SLC49A3: variants seen among roughly 807,000 people sequenced by gnomAD.
SLC49A3 encodes solute carrier family 49 member 3.
A neutral mutation model predicts 43.8 loss-of-function variants in SLC49A3; 50 were observed. The observed-to-expected ratio is 1.14, with a 90% CI of 0.91 to 1.45. The LOEUF (loss-of-function observed/expected upper bound fraction) is 1.45. Ranked by LOEUF, SLC49A3 falls within the 40% of genes most tolerant of loss-of-function variation. The pLI is 0.00. For missense variants in SLC49A3, 906 were observed against 774.1 expected (o/e 1.17, Z -2.02); for synonymous variants, 413 against 352.0 (o/e 1.17, Z -1.94).
In SLC49A3 at chr4:683,417, AACTGGACCTGGCTTCACGGG is replaced by A. The variant is rs573066841; in HGVS notation, c.994-70_994-51del. 1.4e-4 allele frequency: 226 copies of A among 1,581,172 alleles called. No individual in the cohort carries two copies. The East Asian group carries it at 4.8e-3, about 34-fold the overall frequency. ...GACAGGTGGAGGGGGTGGCAGTCAG[AACTGGACCTGGCTTCACGGG>A]ACATGGGACACGGGGCAGGAGAACC... is the stretch of plus-strand genomic sequence containing the variant. On this transcript the variant is annotated intron_variant, in intron 7 of 9. Transcript: ENST00000322224.
chr4:684,720 A>C lies in SLC49A3; in HGVS notation c.722T>G (p.Leu241Arg). The C allele has an allele frequency of 6.2e-7, 1 of 1,610,064 alleles. No individual in the cohort carries two copies. Among genetic ancestry groups the C allele is most frequent in the Non-Finnish European group, 8.5e-7 (1 of 1,178,894 alleles). The change falls in exon 5 of 10, where the codon CTG becomes CGG. Residue 241 changes from leucine (L) to arginine (R), a missense_variant and splice_region_variant. By Grantham distance (102) the Leu-to-Arg change is moderately radical. Transcript: ENST00000322224. ...TSEKFLDGLK[L>R]LMWNKAYVIL... ...CCCCGGGGATCCCACGGCACTGACC[A>C]GCTTGAGCCCATCCAGGAACTTCTC...
upstream of SLC49A3, among the ~76,000 whole-genome samples, chr4:690,952 A>G (rs1057004102): frequency 1.3e-5 from 2 of 152,274 alleles, no homozygotes; most frequent in Non-Finnish European, 2.9e-5. Context: ...ATACTTTGGT[A>G]TAAACTTAGC....
At chr4:678,340 T>C (rs1739065939), downstream of SLC49A3, 2 of 1,415,542 alleles carry the variant, frequency 1.4e-6, no homozygotes, top group Non-Finnish European at 1.8e-6. Flanking sequence ...CCACCCAGAG[T>C]CCACTTGCCC....
downstream of SLC49A3, among the ~76,000 whole-genome samples, chr4:679,661 G>T (rs1260033579): frequency 1.3e-5 from 2 of 152,184 alleles, no homozygotes; most frequent in Non-Finnish European, 2.9e-5. Context: ...AAGAACAGCA[G>T]ATCCCAGCAC....
At position 683,627 on chromosome 4, in the gene SLC49A3, G is replaced by A. The variant is rs746367442; in HGVS notation, c.975C>T (p.Ala325=). 4 of 1,610,922 alleles carry A rather than the reference G, an allele frequency of 2.5e-6. No homozygotes were observed. The highest frequency in any genetic ancestry group is 2.5e-6 in the Non-Finnish European group (3 of 1,179,010). The part of the protein sequence containing the change: ...TKIGLCLFSL[A]CVPFALVSQL... ...CCCTCACCAGGGCAAAGGGCACGCA[G>A]GCCAGAGAGAACAGGCACAGGCCAA... The change falls in exon 7 of 10, where the codon GCC becomes GCT. Residue 325 remains alanine (A), a synonymous_variant. Coordinates refer to ENST00000322224, the MANE Select transcript of SLC49A3 (RefSeq NM_032219.4).
chr4:684,004 G>A (rs1021814732), intron 6 of SLC49A3, among the ~76,000 whole-genome samples: 3 of 152,196 alleles, frequency 2.0e-5, no homozygotes, highest in African/African-American at 4.8e-5. Flanking sequence ...GGCCCCACAG[G>A]GCCGTGGTGC....
intron 1 of SLC49A3, chr4:687,209 T>G (rs1741223571): frequency 6.5e-6 from 1 of 153,288 alleles, no homozygotes; most frequent in Non-Finnish European, 1.5e-5. Context: ...AAGTGCACGC[T>G]GCGGCCGAGG....
chr4:678,106 C>A (rs374218406), downstream of SLC49A3: 180 of 1,594,058 alleles, frequency 1.1e-4, 1 homozygote, highest in Middle Eastern at 1.7e-4. Flanking sequence ...TGCGCACAGA[C>A]GAGCGTGGGC....
Position 684,833 on chromosome 4 carries a change from A to G in SLC49A3, c.609T>C (p.Ala203=), listed in dbSNP as rs1375479676. 1.5e-5 allele frequency: 24 copies of G among 1,612,466 alleles called. No individual in the cohort carries two copies. The highest frequency in any genetic ancestry group is 2.0e-5 in the Non-Finnish European group (24 of 1,179,880). The change falls in exon 5 of 10, where the codon GCT becomes GCC. Residue 203 remains alanine, a synonymous_variant. Coordinates refer to ENST00000322224, the MANE Select transcript of SLC49A3 (RefSeq NM_032219.4). ...TGGTGGACAGCAGGCAGACGACGCC[A>G]GCAGGGATGGTATAGACACCGAGCT... The part of the protein sequence containing the change: ...PLMLGVYTIP[A]GVVCLLSTIC...
chr4:680,993 G>C, downstream of SLC49A3: 2 of 1,336,682 alleles, frequency 1.5e-6, no homozygotes, highest in Non-Finnish European at 1.0e-6. Flanking sequence ...GGAGTGCAGT[G>C]AGCGAGTACA....
At chr4:680,412 C>T (rs2109350842), downstream of SLC49A3, 1 of 1,260,418 alleles carries the variant, frequency 7.9e-7, no homozygotes, top group Non-Finnish European at 1.1e-6. Flanking sequence ...GGAGTCTCCC[C>T]CTGCTTGGGG....
downstream of SLC49A3, among the ~76,000 whole-genome samples, chr4:679,553 C>T (rs1329761092): frequency 2.0e-5 from 3 of 152,162 alleles, no homozygotes; most frequent in East Asian, 5.8e-4. Context: ...GGGCAGGGGG[C>T]TTCGGTCCTG....
chr4:680,394 A>T, downstream of SLC49A3: 1 of 1,101,654 alleles, frequency 9.1e-7, no homozygotes, highest in South Asian at 1.3e-5. Flanking sequence ...CCTTGTGGGC[A>T]GAGGCTTGGA....
chr4:681,287 C>T, downstream of SLC49A3: 1 of 921,514 alleles, frequency 1.1e-6, no homozygotes, highest in Non-Finnish European at 1.6e-6. Context: ...CCCGAAGTGC[C>T]CGTCTGAGGG....
chr4:685,844 A>C lies in SLC49A3; in HGVS notation c.576T>G (p.Ile192Met), dbSNP rs770127536. ...TCTCATGACCCCTCACCATTAACGGAATGTCCTCACCCTTCTTGACCAGCA... is the reference window on the plus strand; with the variant it reads ...TCTCATGACCCCTCACCATTAACGGCATGTCCTCACCCTTCTTGACCAGCA... Reference protein sequence around the residue: ...SPVLVKKGEDIPLMLGVYTIP... With the variant: ...SPVLVKKGEDMPLMLGVYTIP... The change falls in exon 4 of 10, where the codon ATT (isoleucine) becomes ATG (methionine). Residue 192 changes from isoleucine to methionine, a missense_variant. Ile to Met is a conservative substitution (Grantham distance 10). Transcript: ENST00000322224. This position sits in a 1 kb window ranked among gnomAD's most constrained non-coding sequence, Gnocchi z 4.3. 6.2e-7 allele frequency: 1 copy of C among 1,613,912 alleles called. No individual in the cohort carries two copies. The highest frequency in any genetic ancestry group is 2.2e-5 in the East Asian group (1 of 44,874).
exon 1 of SLC49A3, chr4:689,149 TCCGCCGGTC>T (rs1334405813): frequency 1.0e-5 from 13 of 1,299,316 alleles, no homozygotes; most frequent in African/African-American, 1.7e-4. Flanking sequence ...TCCACGGGTC[TCCGCCGGTC>T]CCGCCGGCCG....
rs756429557 is a variant in SLC49A3 at position 681,941 on chromosome 4, G to A, written c.*17C>T. The stretch of plus-strand genomic sequence containing the variant: ...CTCCATCGATGTGGCGGGCAACCTG[G>A]ACTACAAGGCGCTCAGCTACGTGAT... On this transcript the variant is annotated 3_prime_UTR_variant, in exon 10 of 10. Transcript: ENST00000322224. 7 of 1,335,356 alleles carry A rather than the reference G, an allele frequency of 5.2e-6. No homozygotes were observed. In the Admixed American group the frequency reaches 1.2e-4, roughly 23 times the overall value. The allele number at this position is 1,335,356 out of a possible 1,614,324, so 82.7% of individuals were successfully genotyped here.
At chr4:679,556 C>T (rs570513571), downstream of SLC49A3, among the ~76,000 whole-genome samples, 7 of 152,272 alleles carry the variant, frequency 4.6e-5, no homozygotes, top group South Asian at 2.1e-4. Flanking sequence ...CAGGGGGCTT[C>T]GGTCCTGCCC....
Position 685,685 on chromosome 4 carries a change from G to C in SLC49A3, c.585+150C>G, listed in dbSNP as rs981774885. On this transcript the variant is annotated intron_variant, in intron 4 of 9. Coordinates refer to ENST00000322224, the MANE Select transcript of SLC49A3 (RefSeq NM_032219.4). The surrounding 1 kb of genome is among the most constrained non-coding windows in gnomAD (Gnocchi z 4.3). ...CGCGCCACTGCAATTCAGCCTGAGC[G>C]ACAGGCTGAGACTCCTTCTCGGGTG... The C allele has an allele frequency of 1.3e-6, 1 of 783,950 alleles. No individual in the cohort carries two copies. Among genetic ancestry groups the C allele is most frequent in the African/African-American group, 1.7e-5 (1 of 57,768 alleles). The allele number at this position is 783,950 out of a possible 1,614,324, so 48.6% of individuals were successfully genotyped here. A position where few individuals can be genotyped will look rare whatever the true frequency, so the allele number is the denominator to read the frequency against.
Sources: allele counts gnomAD v4.1 joint callset (sites outside exome capture counted in the v4.1 genomes callset), GRCh38; gene constraint gnomAD v4.1.1; non-coding constraint Gnocchi (gnomAD v3.1); transcripts MANE v1.5; gene names NCBI Gene and HGNC (gene_info 2026-07-23, HGNC 2026-07-21).